The following ENPEP variants were observed in gnomAD, a reference collection of about 807,000 sequenced individuals.
The protein encoded by ENPEP is glutamyl aminopeptidase.
A neutral mutation model predicts 114.5 loss-of-function variants in ENPEP; 103 were observed. The observed-to-expected ratio is 0.90, with a 90% CI of 0.77 to 1.06. The LOEUF (loss-of-function observed/expected upper bound fraction) is 1.06. ENPEP is among the 50% of genes least tolerant of loss of function. ENPEP has a pLI of 0.00. For missense variants in ENPEP, 1,196 were observed against 1,161.3 expected, an observed-to-expected ratio of 1.03 and a Z score of -0.43; for synonymous variants, 420 against 422.0, an observed-to-expected ratio of 1.00 and a Z score of 0.06.
chr4:110,549,355 C>T lies in ENPEP; in HGVS notation c.2161C>T (p.Gln721Ter), dbSNP rs1275501210. 3 of 1,612,678 alleles carry T rather than the reference C, an allele frequency of 1.9e-6. No homozygotes were observed. Among genetic ancestry groups the T allele is most frequent in the Non-Finnish European group, 2.5e-6 (3 of 1,179,050 alleles). The change falls in exon 15 of 20, where the codon CAA (glutamine) becomes TAA (stop). Residue 721 changes from glutamine (Q) to a stop codon, truncating the protein, a stop_gained. Coordinates refer to ENST00000265162, the MANE Select transcript of ENPEP (RefSeq NM_001977.4). LOFTEE classifies it high-confidence loss of function. ...AATACTTTTATTTCAGGAATACTTCCAAGGTCAAGTGAAGCCTATTGCAGA... is the reference window on the plus strand; with the variant it reads ...AATACTTTTATTTCAGGAATACTTCTAAGGTCAAGTGAAGCCTATTGCAGA... ...ELYPMIEEYF[Q>*]GQVKPIADSL...
At chr4:110,538,673 C>T (rs1726736223) in intron 11 of ENPEP, among the ~76,000 whole-genome samples, 1 of 152,214 alleles carries the variant, frequency 6.6e-6, no homozygotes, top group Admixed American at 6.5e-5. Context: ...TACAAGAGGC[C>T]TGGCTTTCAG....
intron 11 of ENPEP, among the ~76,000 whole-genome samples, chr4:110,536,766 G>T (rs1269179698): frequency 6.6e-6 from 1 of 151,900 alleles, no homozygotes; most frequent in Non-Finnish European, 1.5e-5. Flanking sequence ...CAAAATTATT[G>T]CTAATTGTAA....
intron 1 of ENPEP, among the ~76,000 whole-genome samples, chr4:110,487,476 A>G (rs1023471191): frequency 1.3e-5 from 2 of 152,232 alleles, no homozygotes; most frequent in Non-Finnish European, 2.9e-5. Flanking sequence ...TTCATACAGC[A>G]GCTAGAAAAA....
intron 18 of ENPEP, among the ~76,000 whole-genome samples, chr4:110,558,293 T>TATATATATAA (rs1365931759): frequency 1.4e-5 from 2 of 144,790 alleles, no homozygotes; most frequent in Admixed American, 7.0e-5. Context: ...TATATATATA[T>TATATATATAA]AAATTTTTTT....
chr4:110,554,731 TA>T (rs1244631031), intron 18 of ENPEP, among the ~76,000 whole-genome samples: 1 of 151,982 alleles, frequency 6.6e-6, no homozygotes, highest in African/African-American at 2.4e-5. Flanking sequence ...AAATACTGCA[TA>T]TTTTGTTTTA....
At chr4:110,520,912 T>C (rs1461772242) in intron 10 of ENPEP, among the ~76,000 whole-genome samples, 3 of 152,158 alleles carry the variant, frequency 2.0e-5, no homozygotes, top group Non-Finnish European at 4.4e-5. Context: ...TTTCTTTCTC[T>C]GCACACAGCT....
In ENPEP at chr4:110,520,171, C is replaced by T. The variant is rs750065644; in HGVS notation, c.1576-44C>T. On this transcript the variant is annotated intron_variant, in intron 9 of 19. Transcript: ENST00000265162. ...TAACTATTCTATCCTTTTATTTTCT[C>T]ATATTTGTTAATTAATTAATCTCCA... 8.1e-6 allele frequency: 13 copies of T among 1,599,262 alleles called. No homozygotes were observed. The South Asian group carries it at 1.2e-4, about 15-fold the overall frequency.
chr4:110,534,543 T>C (rs1578411834), intron 11 of ENPEP, among the ~76,000 whole-genome samples: 1 of 150,124 alleles, frequency 6.7e-6, no homozygotes, highest in East Asian at 1.9e-4. Context: ...GTTTTGTTCT[T>C]GTTGCCCAGG....
chr4:110,552,884 A>G (rs1727340995), intron 17 of ENPEP, among the ~76,000 whole-genome samples: 1 of 152,146 alleles, frequency 6.6e-6, no homozygotes, highest in African/African-American at 2.4e-5. Flanking sequence ...ATAGAATATA[A>G]GAGCATAGAT....
At position 110,561,821 on chromosome 4, in the gene ENPEP, T is replaced by G. The variant is rs371340068; in HGVS notation, c.*263T>G. ...TCTTTACAAACTGAAGATAATGAAA[T>G]AGTTATTTTAATACCTTTAAATATC... is the stretch of plus-strand genomic sequence containing the variant. On this transcript the variant is annotated 3_prime_UTR_variant, in exon 20 of 20. Transcript: ENST00000265162. The G allele has an allele frequency of 4.7e-4, 124 of 262,392 alleles. No homozygotes were observed. The highest frequency in any genetic ancestry group is 2.5e-3 in the African/African-American group (111 of 45,044). The allele number at this position is 262,392 out of a possible 1,614,324, so 16.3% of individuals were successfully genotyped here. A position where few individuals can be genotyped will look rare whatever the true frequency, so the allele number is the denominator to read the frequency against.
intron 3 of ENPEP, among the ~76,000 whole-genome samples, chr4:110,492,736 G>A (rs1473484555): frequency 1.3e-5 from 2 of 152,202 alleles, no homozygotes; most frequent in Admixed American, 1.3e-4. Flanking sequence ...AGATTGTGCT[G>A]AGTGCAGTCG....
intron 14 of ENPEP, 47 bp from the exon 15 acceptor site, chr4:110,549,299 G>A: frequency 7.1e-7 from 1 of 1,401,876 alleles, no homozygotes; most frequent in Middle Eastern, 1.9e-4. Context: ...GGATACTACT[G>A]ATATGTAGTA....
Position 110,520,310 on chromosome 4 carries a change from G to T in ENPEP, c.1671G>T (p.Gln557His). ...TGAACGGTGTCAAGAACATCACACA[G>T]AAACGCTTTTTGTTGGACCCAAGAG... ...LNVNGVKNITQKRFLLDPRAN... is the reference protein window; with the variant it reads ...LNVNGVKNITHKRFLLDPRAN... The change falls in exon 10 of 20, where the codon CAG becomes CAT. Residue 557 changes from glutamine (Q) to histidine (H), a missense_variant. Physicochemically the swap from Gln to His is conservative, Grantham distance 24 (BLOSUM62 0). Transcript: ENST00000265162. 6.2e-7 allele frequency: 1 copy of T among 1,614,066 alleles called. No homozygotes were observed.
At chr4:110,502,005 T>C (rs1210645082) in intron 3 of ENPEP, among the ~76,000 whole-genome samples, 1 of 152,212 alleles carries the variant, frequency 6.6e-6, no homozygotes, top group Admixed American at 6.5e-5. Flanking sequence ...TATCTCATTG[T>C]GGTTTTGATT....
rs562089438 is a variant in ENPEP at position 110,559,703 on chromosome 4, A to G, written c.2699A>G (p.Asn900Ser). 3.7e-6 allele frequency: 6 copies of G among 1,613,874 alleles called. No homozygotes were observed. The highest frequency in any genetic ancestry group is 3.3e-5 in the South Asian group (3 of 91,060). Residue 900 changes from asparagine to serine, a missense_variant, in exon 19 of 20, where the codon AAC (asparagine) becomes AGC (serine). By Grantham distance (46) the Asn-to-Ser change is conservative. Coordinates refer to ENST00000265162, the MANE Select transcript of ENPEP (RefSeq NM_001977.4). ...GRIVTIAEPF[N>S]TELQLWQMES... is the part of the protein sequence containing the mutation. The stretch of plus-strand genomic sequence containing the variant: ...ATTGTCACAATAGCAGAGCCATTCA[A>G]CACTGAACTGCAACTGTGGCAGGTA...
Position 110,561,543 on chromosome 4 carries a change from A to G in ENPEP, c.2859A>G (p.Leu953=), listed in dbSNP as rs369428066. 47 of 1,613,118 alleles carry G rather than the reference A, an allele frequency of 2.9e-5. No individual in the cohort carries two copies. The highest frequency in any genetic ancestry group is 3.6e-5 in the Non-Finnish European group (43 of 1,179,706). Residue 953 remains leucine, a synonymous_variant, in exon 20 of 20, where the codon TTA becomes TTG. Coordinates refer to ENST00000265162, the MANE Select transcript of ENPEP (RefSeq NM_001977.4). ...CCATCAGAGAATGGTTTTTTAATTT[A>G]CTTGAGAGTGGTTAATGTATTCAAA... ...RNTIREWFFN[L]LESG
chr4:110,547,081 G>T (rs1320285969), intron 13 of ENPEP, among the ~76,000 whole-genome samples: 1 of 151,966 alleles, frequency 6.6e-6, no homozygotes, highest in Non-Finnish European at 1.5e-5. Flanking sequence ...ATTACACTCA[G>T]GAAAACAAAA....
intron 11 of ENPEP, among the ~76,000 whole-genome samples, chr4:110,534,921 C>A (rs1560566076): frequency 6.6e-6 from 1 of 152,056 alleles, no homozygotes; most frequent in Admixed American, 6.5e-5. Flanking sequence ...ATTCTGAGTT[C>A]AGAAAGTCCT....
At chr4:110,513,211 T>G in intron 6 of ENPEP, 1 of 412,638 alleles carries the variant, frequency 2.4e-6, no homozygotes. Context: ...TGGGGGAAAA[T>G]TAAAAGGAAT....
Sources: gnomAD v4.1 joint callset for allele counts (sites outside exome capture counted in the v4.1 genomes callset) on GRCh38, gnomAD v4.1.1 for gene constraint, MANE v1.5 for transcripts, NCBI Gene and HGNC (gene_info 2026-07-23, HGNC 2026-07-21) for gene names.